The following MARCHF1 variants were observed in gnomAD, a reference collection of about 807,000 sequenced individuals.
The protein encoded by MARCHF1 is E3 ubiquitin-protein ligase MARCHF1.
MARCHF1 carries 40 observed loss-of-function variants against 54.2 expected under a neutral mutation model. That is an observed-to-expected ratio of 0.74 (90% CI 0.57 to 0.96). The LOEUF (loss-of-function observed/expected upper bound fraction) is 0.96. MARCHF1 is among the 40% of genes least tolerant of loss of function. The probability of loss-of-function intolerance (pLI) is 0.00; values close to 1 mark genes in which losing one functional copy is unlikely to be tolerated. For synonymous variants in MARCHF1, 236 were observed against 236.3 expected (o/e 1.00, Z 0.01); for missense variants, 586 against 656.5 (o/e 0.89, Z 1.17).
intron 1 of MARCHF1, among the ~76,000 whole-genome samples, chr4:164,139,686 G>A (rs1283195883): frequency 6.6e-6 from 1 of 152,146 alleles, no homozygotes; most frequent in Non-Finnish European, 1.5e-5. Flanking sequence ...CAGCGCAGGA[G>A]TAGAAAATGT....
chr4:164,257,020 A>T (rs1209576243), intron 1 of MARCHF1, among the ~76,000 whole-genome samples: 1 of 152,178 alleles, frequency 6.6e-6, no homozygotes, highest in Non-Finnish European at 1.5e-5. Flanking sequence ...TTGATGATAC[A>T]TTTCAAGAAT....
At chr4:164,360,162 C>A (rs1224422623) in intron 1 of MARCHF1, among the ~76,000 whole-genome samples, 2 of 152,040 alleles carry the variant, frequency 1.3e-5, no homozygotes, top group African/African-American at 4.8e-5. Flanking sequence ...AGCCACTGGG[C>A]TTTTCTCCTA....
At chr4:164,102,849 T>C (rs1163071629) in intron 2 of MARCHF1, among the ~76,000 whole-genome samples, 1 of 102,800 alleles carries the variant, frequency 9.7e-6, no homozygotes, top group East Asian at 2.2e-4. Flanking sequence ...GACCCATTAG[T>C]GTGCTGTATT....
At chr4:164,380,378 T>C (rs1351135338) in intron 1 of MARCHF1, among the ~76,000 whole-genome samples, 1 of 152,268 alleles carries the variant, frequency 6.6e-6, no homozygotes, top group Admixed American at 6.5e-5. Context: ...TGCTATGCAC[T>C]GTCCCCCATG....
chr4:164,188,921 G>A lies in MARCHF1; in HGVS notation c.-322-77259C>T, dbSNP rs542804780. The A allele has an allele frequency of 3.0e-4, 227 of 766,028 alleles. 1 individual carries two copies. Among genetic ancestry groups the A allele is most frequent in the South Asian group, 2.6e-3 (189 of 72,934 alleles). The allele number at this position is 766,028 out of a possible 1,614,324, so 47.5% of individuals were successfully genotyped here. A position where few individuals can be genotyped will look rare whatever the true frequency, so the allele number is the denominator to read the frequency against. On this transcript the variant is annotated intron_variant, in intron 1 of 9. Transcript: ENST00000514618. ...AGCCTATTTCAATGATGCCCAATGC[G>A]AAGCAACCAAAGATATTGGAACTAT...
intron 4 of MARCHF1, among the ~76,000 whole-genome samples, chr4:163,811,554 G>A (rs540244027): frequency 2.6e-5 from 4 of 152,086 alleles, no homozygotes; most frequent in Admixed American, 6.6e-5. Context: ...ATAGAGAAAC[G>A]GAGAGCAGGA....
chr4:164,061,709 A>T (rs1262123768), intron 2 of MARCHF1, among the ~76,000 whole-genome samples: 2 of 152,068 alleles, frequency 1.3e-5, no homozygotes, highest in Non-Finnish European at 2.9e-5. Flanking sequence ...TAAAAAAAAC[A>T]ACATAAACCA....
At chr4:164,281,510 C>A (rs2321378) in intron 1 of MARCHF1, among the ~76,000 whole-genome samples, 2 of 152,054 alleles carry the variant, frequency 1.3e-5, no homozygotes, top group African/African-American at 4.8e-5. Context: ...CTAAGTGTTA[C>A]CCAAAAACAG....
At chr4:163,895,762 G>T (rs1750792429) in intron 3 of MARCHF1, among the ~76,000 whole-genome samples, 1 of 152,132 alleles carries the variant, frequency 6.6e-6, no homozygotes, top group South Asian at 2.1e-4. Flanking sequence ...GGCTTTAATT[G>T]TCTACCTTGC....
intron 3 of MARCHF1, among the ~76,000 whole-genome samples, chr4:163,915,097 T>G (rs564001540): frequency 6.6e-6 from 1 of 152,286 alleles, no homozygotes; most frequent in African/African-American, 2.4e-5. Context: ...GAGCATATCT[T>G]GTTTTATTTT....
At chr4:164,280,672 G>A (rs557306589) in intron 1 of MARCHF1, among the ~76,000 whole-genome samples, 11 of 152,122 alleles carry the variant, frequency 7.2e-5, no homozygotes, top group South Asian at 2.1e-4. Flanking sequence ...GGTACATTTC[G>A]AGAACAAATA....
intron 4 of MARCHF1, among the ~76,000 whole-genome samples, chr4:163,833,578 A>C (rs1470407983): frequency 6.6e-6 from 1 of 152,226 alleles, no homozygotes; most frequent in Non-Finnish European, 1.5e-5. Flanking sequence ...GACACTTCTC[A>C]AAAGAAGACA....
At chr4:163,724,231 T>G (rs1745577153) in intron 4 of MARCHF1, among the ~76,000 whole-genome samples, 1 of 152,252 alleles carries the variant, frequency 6.6e-6, no homozygotes, top group African/African-American at 2.4e-5. Context: ...TTAGTTTTCC[T>G]TCTAATGGTC....
chr4:164,087,256 A>G (rs762395183), intron 2 of MARCHF1, among the ~76,000 whole-genome samples: 2 of 152,234 alleles, frequency 1.3e-5, no homozygotes, highest in Middle Eastern at 3.4e-3. Context: ...TCATTTCTTC[A>G]AGAGGGATGA....
intron 3 of MARCHF1, among the ~76,000 whole-genome samples, chr4:163,949,951 C>T (rs991237917): frequency 1.3e-5 from 2 of 152,200 alleles, no homozygotes; most frequent in East Asian, 1.9e-4. Context: ...ATAGGCAGGT[C>T]GTCCACTGCT....
chr4:163,553,463 A>G (rs1275690732), intron 8 of MARCHF1, among the ~76,000 whole-genome samples: 1 of 152,216 alleles, frequency 6.6e-6, no homozygotes, highest in Non-Finnish European at 1.5e-5. Context: ...ACTGAGTCTC[A>G]TATGTCTCAT....
chr4:164,023,145 G>A (rs578161155), intron 2 of MARCHF1, among the ~76,000 whole-genome samples: 19 of 152,332 alleles, frequency 1.2e-4, no homozygotes, highest in African/African-American at 4.6e-4. Context: ...GCCAGCATGG[G>A]AGCAGGGCAT....
intron 5 of MARCHF1, among the ~76,000 whole-genome samples, chr4:163,665,697 T>C (rs1453434480): frequency 6.6e-6 from 1 of 152,132 alleles, no homozygotes; most frequent in Non-Finnish European, 1.5e-5. Flanking sequence ...TAACAAAGAA[T>C]AGTGAAACCC....
intron 5 of MARCHF1, among the ~76,000 whole-genome samples, chr4:163,660,638 T>C (rs1743315967): frequency 6.6e-6 from 1 of 152,008 alleles, no homozygotes; most frequent in Non-Finnish European, 1.5e-5. Context: ...AATGAGAAAC[T>C]GGTTTATGAT....
Sources: allele counts gnomAD v4.1 joint callset (sites outside exome capture counted in the v4.1 genomes callset), GRCh38; gene constraint gnomAD v4.1.1; transcripts MANE v1.5; gene names NCBI Gene and HGNC (gene_info 2026-07-23, HGNC 2026-07-21).